Variants in BAIAP2 observed in about 807,000 individuals in gnomAD.
BAIAP2 encodes BAR/IMD domain containing adaptor protein 2.
A neutral mutation model predicts 63.0 loss-of-function variants in BAIAP2; 18 were observed. That is an observed-to-expected ratio of 0.29 (90% CI 0.20 to 0.42). The LOEUF (loss-of-function observed/expected upper bound fraction) is 0.42. Among genes scored for constraint, BAIAP2 ranks in the 10% least tolerant of loss-of-function variants. The pLI is 1.00. For synonymous variants in BAIAP2, 386 were observed against 307.6 expected (o/e 1.25, Z -2.67); for missense variants, 610 against 734.3 (o/e 0.83, Z 1.96).
chr17:81,070,346 A>T (rs1357250675), intron 3 of BAIAP2, among the ~76,000 whole-genome samples: 2 of 152,174 alleles, frequency 1.3e-5, no homozygotes, highest in Non-Finnish European at 2.9e-5. Flanking sequence ...CTCCACACTG[A>T]GCGGACGTCC....
At chr17:81,093,177 AT>A in intron 6 of BAIAP2, among the ~76,000 whole-genome samples, 1 of 151,936 alleles carries the variant, frequency 6.6e-6, no homozygotes, top group South Asian at 2.1e-4. Context: ...GGCCCGCTGG[AT>A]GCAACTTGTC....
chr17:81,101,601 C>A (rs1045911632), intron 7 of BAIAP2, among the ~76,000 whole-genome samples: 1 of 151,794 alleles, frequency 6.6e-6, no homozygotes, highest in Non-Finnish European at 1.5e-5. Context: ...TTGTTCCCCC[C>A]ACCCACCACA....
chr17:81,109,235 T>C, intron 13 of BAIAP2: 2 of 1,366,396 alleles, frequency 1.5e-6, no homozygotes, highest in Non-Finnish European at 1.9e-6. Flanking sequence ...CCCAGCCTTT[T>C]GAGCAGAAAC....
chr17:81,086,220 G>A (rs1441084223), intron 5 of BAIAP2, among the ~76,000 whole-genome samples: 7 of 151,174 alleles, frequency 4.6e-5, no homozygotes, highest in Non-Finnish European at 1.0e-4. Context: ...CCAGAGAGCT[G>A]CTATGGGGTT....
In BAIAP2 at chr17:81,104,001, A is replaced by G. The variant is rs1310518534; in HGVS notation, c.959A>G (p.Gln320Arg). 6.2e-7 allele frequency: 1 copy of G among 1,613,182 alleles called. No individual in the cohort carries two copies. The highest frequency in any genetic ancestry group is 2.2e-5 in the East Asian group (1 of 44,872). ...CCGTGGGCTGACCGCAAGGCTGCCC[A>G]GCCCAAATCCCTGTCTCCTCCGCAG... ...YSPWADRKAA[Q>R]PKSLSPPQSQ... is the part of the protein sequence containing the mutation. Residue 320 changes from glutamine to arginine, a missense_variant, in exon 9 of 14, where the codon CAG becomes CGG. Coordinates refer to ENST00000428708, the MANE Select transcript of BAIAP2 (RefSeq NM_001144888.2).
intron 13 of BAIAP2, among the ~76,000 whole-genome samples, chr17:81,114,364 A>G (rs1426832641): frequency 6.6e-6 from 1 of 152,090 alleles, no homozygotes; most frequent in Non-Finnish European, 1.5e-5. Context: ...GAGTGGGTCT[A>G]GCCTGGCAGG....
chr17:81,097,781 C>T (rs1366770925), intron 6 of BAIAP2: 4 of 233,010 alleles, frequency 1.7e-5, no homozygotes, highest in Non-Finnish European at 2.5e-5. Context: ...CCTGCTGAAG[C>T]AGCTAGCCTC....
chr17:81,060,392 T>C (rs948894228), intron 3 of BAIAP2, among the ~76,000 whole-genome samples: 2 of 152,224 alleles, frequency 1.3e-5, no homozygotes, highest in African/African-American at 4.8e-5. Flanking sequence ...CACCACTGTG[T>C]CTGTCTCTCC....
intron 4 of BAIAP2, chr17:81,085,332 G>C: frequency 1.8e-6 from 1 of 549,838 alleles, no homozygotes; most frequent in South Asian, 1.9e-5. Context: ...AGGCCCATGG[G>C]CCCTGCGACC....
At chr17:81,077,794 G>A (rs932185054) in intron 3 of BAIAP2, among the ~76,000 whole-genome samples, 5 of 152,102 alleles carry the variant, frequency 3.3e-5, no homozygotes, top group African/African-American at 1.2e-4. Flanking sequence ...GCCGGGCGCT[G>A]TGGGTGCAGG....
At chr17:81,089,889 C>T (rs2056415629) in intron 6 of BAIAP2, among the ~76,000 whole-genome samples, 1 of 152,160 alleles carries the variant, frequency 6.6e-6, no homozygotes, top group Admixed American at 6.5e-5. Flanking sequence ...CAGCAGCCCC[C>T]TTGGAAAGGC....
rs778617563 is a variant in BAIAP2 at position 81,057,876 on chromosome 17, C to T, written c.131-5C>T. On this transcript the variant is annotated splice_polypyrimidine_tract_variant and splice_region_variant and intron_variant, in intron 2 of 13. Coordinates refer to ENST00000428708, the MANE Select transcript of BAIAP2 (RefSeq NM_001144888.2). ...AAATAACTGCTCCCTTTTCTTCTCT[C>T]TCAGGTGTGACGTATGCAGCCAAAG... is the stretch of plus-strand genomic sequence containing the variant. The T allele has an allele frequency of 1.6e-5, 25 of 1,608,018 alleles. No homozygotes were observed. The South Asian group carries it at 2.1e-4, about 14-fold the overall frequency.
chr17:81,091,252 G>T (rs923448858), intron 6 of BAIAP2, among the ~76,000 whole-genome samples: 1 of 147,764 alleles, frequency 6.8e-6, no homozygotes, highest in Admixed American at 7.0e-5. Flanking sequence ...TTGCCTCGCG[G>T]GGTCTACTGT....
rs12949063 is a variant in BAIAP2 at position 81,116,538 on chromosome 17, A to G, written c.*699A>G. On this transcript the variant is annotated 3_prime_UTR_variant, in exon 14 of 14. Coordinates refer to ENST00000428708, the MANE Select transcript of BAIAP2 (RefSeq NM_001144888.2). Reference sequence around the variant, plus strand: ...GGCCTCCCAGCTCGCTCCTGCGGCCAAAGGCCAGCTGTCAGGTGCTATGCG... The same window carrying G: ...GGCCTCCCAGCTCGCTCCTGCGGCCGAAGGCCAGCTGTCAGGTGCTATGCG... 94,139 of 588,298 alleles carry G rather than the reference A, an allele frequency of 0.16. 8,186 individuals carry two copies. The highest frequency in any genetic ancestry group is 0.22 in the Middle Eastern group (463 of 2,138). The allele number at this position is 588,298 out of a possible 1,614,324, so 36.4% of individuals were successfully genotyped here. A position where few individuals can be genotyped will look rare whatever the true frequency, so the allele number is the denominator to read the frequency against.
intron 3 of BAIAP2, chr17:81,082,941 T>C (rs2054887950): frequency 6.6e-6 from 1 of 152,384 alleles, no homozygotes; most frequent in Admixed American, 6.5e-5. Context: ...GCCTTGTGGG[T>C]TGTGCTGATT....
rs754657609 is a variant in BAIAP2, at chr17:81,103,593, A to G, written c.734A>G (p.Gln245Arg). The part of the protein sequence containing the change: ...KIPERAVQLM[Q>R]QVASNGATLP... Reference sequence around the variant, plus strand: ...CCGGAGCGCGCGGTGCAGCTCATGCAGCAGGTGGCCAGCAACGGCGCCACC... The same window carrying G: ...CCGGAGCGCGCGGTGCAGCTCATGCGGCAGGTGGCCAGCAACGGCGCCACC... Residue 245 changes from glutamine to arginine, a missense_variant, in exon 8 of 14, where the codon CAG becomes CGG. This residue lies in a region of BAIAP2 where 389 missense variants were observed against 455.6 expected (regional missense o/e 0.85). Coordinates refer to ENST00000428708, the MANE Select transcript of BAIAP2 (RefSeq NM_001144888.2). 6.2e-7 allele frequency: 1 copy of G among 1,604,958 alleles called. No homozygotes were observed. Among genetic ancestry groups the G allele is most frequent in the South Asian group, 1.1e-5 (1 of 90,990 alleles).
chr17:81,074,591 CTG>C (rs1256278213), intron 3 of BAIAP2, among the ~76,000 whole-genome samples: 2 of 145,430 alleles, frequency 1.4e-5, no homozygotes, highest in South Asian at 2.2e-4. Context: ...GTGTGAGTGC[CTG>C]TGTGTGCGTG....
intron 1 of BAIAP2, among the ~76,000 whole-genome samples, chr17:81,048,707 T>A (rs1202789080): frequency 6.6e-6 from 1 of 152,196 alleles, no homozygotes; most frequent in Non-Finnish European, 1.5e-5. Context: ...CTCCCATTTG[T>A]ACCTTCAGAA....
Position 81,057,969 on chromosome 17 carries a change from T to TGCGGGGGGGGGGGG in BAIAP2, c.217+3_217+4insCGGGGGGGGGGGGG. ...AGAGCCAGGGCTCCAAAGAACTCGG[T>TGCGGGGGGGGGGGG]GAGACCCCCCCCCCCCCCCCGCCTG... On this transcript the variant is annotated splice_region_variant and intron_variant, in intron 3 of 13. Transcript: ENST00000428708. The TGCGGGGGGGGGGGG allele has an allele frequency of 5.2e-6, 5 of 964,854 alleles. No homozygotes were observed. Among genetic ancestry groups the TGCGGGGGGGGGGGG allele is most frequent in the Non-Finnish European group, 2.8e-6 (2 of 713,576 alleles). The allele number at this position is 964,854 out of a possible 1,614,324, so 59.8% of individuals were successfully genotyped here.
Sources: allele counts gnomAD v4.1 joint callset (sites outside exome capture counted in the v4.1 genomes callset), GRCh38; gene constraint gnomAD v4.1.1; regional missense constraint gnomAD v4.1.1; transcripts MANE v1.5; gene names NCBI Gene and HGNC (gene_info 2026-07-23, HGNC 2026-07-21).